Variants in ALG8 observed in about 807,000 individuals in gnomAD.
The protein encoded by ALG8 is dolichyl pyrophosphate Glc1Man9GlcNAc2 alpha-1,3-glucosyltransferase.
In ALG8, 48 loss-of-function variants were observed where a neutral mutation model predicts 70.2. That is an observed-to-expected ratio of 0.68 (90% CI 0.54 to 0.87). The LOEUF (loss-of-function observed/expected upper bound fraction) is 0.87. Among genes scored for constraint, ALG8 ranks in the 40% least tolerant of loss-of-function variants. ALG8 has a pLI of 0.00. For synonymous variants in ALG8, 234 were observed against 229.0 expected (o/e 1.02, Z -0.20); for missense variants, 572 against 608.7 (o/e 0.94, Z 0.64).
chr11:78,115,391 CT>C (rs1216038477), intron 5 of ALG8, among the ~76,000 whole-genome samples: 1 of 150,932 alleles, frequency 6.6e-6, no homozygotes, highest in East Asian at 2.0e-4. Context: ...TTCCAGCTAG[CT>C]TTTTTTTTGA....
intron 2 of ALG8, 112 bp downstream of exon 2, chr11:78,127,246 G>A: frequency 2.1e-6 from 2 of 974,702 alleles, no homozygotes; most frequent in Non-Finnish European, 3.1e-6. Flanking sequence ...CAAAGTGCTG[G>A]GATTACAAGC....
intron 3 of ALG8, among the ~76,000 whole-genome samples, chr11:78,122,887 C>G (rs1860885903): frequency 1.3e-5 from 2 of 152,052 alleles, no homozygotes; most frequent in African/African-American, 4.8e-5. Flanking sequence ...CCAAGGGACT[C>G]TTTACTGAGT....
chr11:78,104,057 T>C lies in ALG8; in HGVS notation c.1277-5A>G. The C allele has an allele frequency of 1.4e-6, 2 of 1,470,842 alleles. No homozygotes were observed. The highest frequency in any genetic ancestry group is 1.9e-6 in the Non-Finnish European group (2 of 1,054,618). The allele number at this position is 1,470,842 out of a possible 1,614,324, so 91.1% of individuals were successfully genotyped here. A position where few individuals can be genotyped will look rare whatever the true frequency, so the allele number is the denominator to read the frequency against. ...GTAAGATTTTAATGGGAAGTTCTGTTAAAAGAATAGAAAAAAAAAGATAAT... is the reference window on the plus strand; with the variant it reads ...GTAAGATTTTAATGGGAAGTTCTGTCAAAAGAATAGAAAAAAAAAGATAAT... On this transcript the variant is annotated splice_region_variant and splice_polypyrimidine_tract_variant and intron_variant, in intron 11 of 12. Coordinates refer to ENST00000299626, the MANE Select transcript of ALG8 (RefSeq NM_024079.5).
At position 78,103,961 on chromosome 11, in the gene ALG8, T is replaced by A; in HGVS notation, c.1349+19A>T. On this transcript the variant is annotated intron_variant, in intron 12 of 12. Coordinates refer to ENST00000299626, the MANE Select transcript of ALG8 (RefSeq NM_024079.5). ...CATTTCACAAGAGTAAGTATAATTT[T>A]AAACATTTTTTTGATTACCTGAATA... is the stretch of plus-strand genomic sequence containing the variant. 1 of 1,349,318 alleles carries A rather than the reference T, an allele frequency of 7.4e-7. No homozygotes were observed. The highest frequency in any genetic ancestry group is 1.1e-6 in the Non-Finnish European group (1 of 947,502). The allele number at this position is 1,349,318 out of a possible 1,614,324, so 83.6% of individuals were successfully genotyped here. A position where few individuals can be genotyped will look rare whatever the true frequency, so the allele number is the denominator to read the frequency against.
At position 78,104,694 on chromosome 11, in the gene ALG8, T is replaced by C. The variant is rs111248015; in HGVS notation, c.1179-241A>G. 7.8e-3 allele frequency: 3,411 copies of C among 439,064 alleles called. 120 individuals carry two copies. The highest frequency in any genetic ancestry group is 0.064 in the African/African-American group (3,158 of 49,656). The allele number at this position is 439,064 out of a possible 1,614,324, so 27.2% of individuals were successfully genotyped here. ...GAATCTTGCTTCTGGCCGGGGACAG[T>C]GGCTCATGCCTTTAATCCCAGCACT... On this transcript the variant is annotated intron_variant, in intron 10 of 12. Coordinates refer to ENST00000299626, the MANE Select transcript of ALG8 (RefSeq NM_024079.5).
In ALG8 at chr11:78,104,065, T is replaced by C. The variant is rs775576056; in HGVS notation, c.1277-13A>G. The C allele has an allele frequency of 1.4e-6, 2 of 1,445,060 alleles. No individual in the cohort carries two copies. The highest frequency in any genetic ancestry group is 9.7e-7 in the Non-Finnish European group (1 of 1,034,732). 89.5% of individuals were successfully genotyped at this position (1,445,060 alleles called of 1,614,324 possible). On this transcript the variant is annotated splice_polypyrimidine_tract_variant and intron_variant, in intron 11 of 12. Transcript: ENST00000299626. Reference sequence around the variant, plus strand: ...TTAATGGGAAGTTCTGTTAAAAGAATAGAAAAAAAAAGATAATTTAGCTGA... The same window carrying C: ...TTAATGGGAAGTTCTGTTAAAAGAACAGAAAAAAAAAGATAATTTAGCTGA...
chr11:78,101,057 T>C lies in ALG8; in HGVS notation c.1488A>G (p.Ser496=). The C allele has an allele frequency of 1.2e-6, 2 of 1,614,162 alleles. No individual in the cohort carries two copies. The highest frequency in any genetic ancestry group is 1.7e-6 in the Non-Finnish European group (2 of 1,180,026). Residue 496 remains serine (S), a synonymous_variant, in exon 13 of 13, where the codon TCA becomes TCG. Coordinates refer to ENST00000299626, the MANE Select transcript of ALG8 (RefSeq NM_024079.5). ...KYPFIPLLLT[S]VYCAVGITYA... ...ATGTGATGCCTACTGCACAATACACTGAGGTTAGTAACAAAGGGATGAAGG... is the reference window on the plus strand; with the variant it reads ...ATGTGATGCCTACTGCACAATACACCGAGGTTAGTAACAAAGGGATGAAGG...
At position 78,121,095 on chromosome 11, in the gene ALG8, G is replaced by C. The variant is rs1321655037; in HGVS notation, c.448C>G (p.Leu150Val). The C allele has an allele frequency of 6.2e-7, 1 of 1,613,754 alleles. No homozygotes were observed. Among genetic ancestry groups the C allele is most frequent in the African/African-American group, 1.3e-5 (1 of 74,918 alleles). The change falls in exon 4 of 13, where the codon CTG (leucine) becomes GTG (valine). Residue 150 changes from leucine to valine, a missense_variant. Physicochemically the swap from Leu to Val is conservative, Grantham distance 32. Transcript: ENST00000299626. ...ACAATTAATAACCCGAAGTTCCACA[G>C]AAGTAATACCGACAGAATAAATTTT... ...KPKFILSVLL[L>V]WNFGLLIVDH...
At chr11:78,112,604 T>G in intron 8 of ALG8, 46 bp downstream of exon 8, 1 of 1,609,628 alleles carries the variant, frequency 6.2e-7, no homozygotes, top group Non-Finnish European at 8.5e-7. Context: ...TGTGCCTAAG[T>G]CCTTTCAATA....
intron 5 of ALG8, chr11:78,114,616 C>A (rs867123148): frequency 2.5e-4 from 142 of 576,674 alleles, no homozygotes; most frequent in Middle Eastern, 2.4e-3. Context: ...ACTCTCTGTA[C>A]TATTTCTACA....
At chr11:78,122,284 A>C (rs1372304328) in intron 3 of ALG8, among the ~76,000 whole-genome samples, 2 of 152,152 alleles carry the variant, frequency 1.3e-5, no homozygotes, top group African/African-American at 4.8e-5. Flanking sequence ...TGAGAAAATT[A>C]AATAAGTTAA....
chr11:78,119,300 C>CTATA (rs777628869), intron 4 of ALG8, 51 bp from the exon 5 acceptor site: 1 of 1,301,600 alleles, frequency 7.7e-7, no homozygotes, highest in Admixed American at 1.7e-5. Flanking sequence ...TCATAATGAA[C>CTATA]TATACCAGCT....
chr11:78,103,042 T>C (rs555692830), intron 12 of ALG8: 6 of 153,654 alleles, frequency 3.9e-5, no homozygotes, highest in African/African-American at 1.2e-4. Context: ...AATTTGTACA[T>C]AGTTGGGTGC....
intron 1 of ALG8, among the ~76,000 whole-genome samples, chr11:78,131,160 T>C: frequency 6.6e-6 from 1 of 152,272 alleles, no homozygotes; most frequent in East Asian, 1.9e-4. Context: ...GACTTCACTT[T>C]TGTTGGAGTG....
At chr11:78,139,342 A>T in intron 1 of ALG8, 152 bp downstream of exon 1, 4 of 787,280 alleles carry the variant, frequency 5.1e-6, no homozygotes, top group Non-Finnish European at 8.5e-6. Context: ...TCAAGTAACA[A>T]CTGGCGAAAC....
In ALG8 at chr11:78,114,073, T is replaced by C. The variant is rs886287555; in HGVS notation, c.674-84A>G. 5 of 1,390,826 alleles carry C rather than the reference T, an allele frequency of 3.6e-6. No individual in the cohort carries two copies. In the African/African-American group the frequency reaches 5.7e-5, roughly 16 times the overall value. The allele number at this position is 1,390,826 out of a possible 1,614,324, so 86.2% of individuals were successfully genotyped here. On this transcript the variant is annotated intron_variant, in intron 6 of 12. Coordinates refer to ENST00000299626, the MANE Select transcript of ALG8 (RefSeq NM_024079.5). ...CTATATCATGTGCTAAAACTAGAAGTATCCCACAATAGTATACCAATCTAT... is the reference window on the plus strand; with the variant it reads ...CTATATCATGTGCTAAAACTAGAAGCATCCCACAATAGTATACCAATCTAT...
intron 10 of ALG8, among the ~76,000 whole-genome samples, chr11:78,105,271 G>T (rs778962695): frequency 6.6e-6 from 1 of 152,156 alleles, no homozygotes; most frequent in Non-Finnish European, 1.5e-5. Flanking sequence ...GAGCTTAAAT[G>T]ATTTCTCAAG....
Position 78,114,629 on chromosome 11 carries a change from T to C in ALG8, c.547-237A>G, listed in dbSNP as rs191293999. 7.6e-4 allele frequency: 418 copies of C among 550,062 alleles called. 1 individual carries two copies. Among genetic ancestry groups the C allele is most frequent in the African/African-American group, 7.3e-3 (388 of 52,822 alleles). 34.1% of individuals were successfully genotyped at this position (550,062 alleles called of 1,614,324 possible). On this transcript the variant is annotated intron_variant, in intron 5 of 12. Transcript: ENST00000299626. ...GAACTCTCTGTACTATTTCTACAAC[T>C]TTTCTGGAAAGCTAAAATTATCCTA...
rs1351201764 is a variant in ALG8 at position 78,109,406 on chromosome 11, A to C, written c.1038+36T>G. ...AGCCAGACAAAAGAAAAGCAGAGAAAACTCAAGAAATGAGCACCATCTGTT... is the reference window on the plus strand; with the variant it reads ...AGCCAGACAAAAGAAAAGCAGAGAACACTCAAGAAATGAGCACCATCTGTT... On this transcript the variant is annotated intron_variant, in intron 9 of 12. Transcript: ENST00000299626. The C allele has an allele frequency of 1.9e-6, 3 of 1,613,942 alleles. No homozygotes were observed. The Admixed American group carries it at 5.0e-5, about 27-fold the overall frequency.
Sources: allele counts gnomAD v4.1 joint callset (sites outside exome capture counted in the v4.1 genomes callset), GRCh38; gene constraint gnomAD v4.1.1; transcripts MANE v1.5; gene names NCBI Gene and HGNC (gene_info 2026-07-23, HGNC 2026-07-21).